Variants in PRR14L observed in about 807,000 individuals in gnomAD.
PRR14L encodes protein PRR14L.
In PRR14L, 80 loss-of-function variants were observed where a neutral mutation model predicts 155.0. The ratio of observed to expected loss-of-function variants is 0.52; its 90% CI spans 0.43 to 0.62. PRR14L has a LOEUF of 0.62. Ranked by LOEUF, PRR14L falls within the 20% of genes least tolerant of loss-of-function variation. The pLI, the probability that PRR14L is intolerant of heterozygous loss-of-function variation, is 0.00. For synonymous variants in PRR14L, 883 were observed against 916.0 expected, an observed-to-expected ratio of 0.96 and a Z score of 0.65; for missense variants, 2,469 against 2,548.0, an observed-to-expected ratio of 0.97 and a Z score of 0.67.
At chr22:31,708,493 A>C (rs891902333) in intron 4 of PRR14L, among the ~76,000 whole-genome samples, 30 of 151,386 alleles carry the variant, frequency 2.0e-4, no homozygotes, top group African/African-American at 6.8e-4. Flanking sequence ...TACCCAGCTA[A>C]TTTTCCTGTT....
intron 3 of PRR14L, 33 bp downstream of exon 3, chr22:31,725,505 G>A (rs1264492970): frequency 2.5e-5 from 35 of 1,396,200 alleles, no homozygotes; most frequent in Middle Eastern, 1.8e-4. Flanking sequence ...TGCAGTAAGT[G>A]GATAAAGGAA....
In PRR14L at chr22:31,713,379, C is replaced by G. The variant is rs1479731655; in HGVS notation, c.4460G>C (p.Cys1487Ser). ...RKDTESCTSP[C>S]LLGAPRKAQD... ...TGCTTTCCGAGGGGCACCAAGAAGG[C>G]AAGGACTTGTGCATGACTCAGTGTC... Residue 1487 changes from cysteine (C) to serine (S), a missense_variant, in exon 4 of 9, where the codon TGC (cysteine) becomes TCC (serine). Physicochemically the swap from Cys to Ser is moderately radical, Grantham distance 112. Transcript: ENST00000327423. 6.4e-7 allele frequency: 1 copy of G among 1,552,056 alleles called. No homozygotes were observed. Among genetic ancestry groups the G allele is most frequent in the African/African-American group, 1.4e-5 (1 of 73,160 alleles).
At chr22:31,703,796 C>CT in intron 5 of PRR14L, 75 bp from the exon 6 acceptor site, 4 of 667,770 alleles carry the variant, frequency 6.0e-6, no homozygotes, top group Non-Finnish European at 6.7e-6. Context: ...TCTTCTTCTT[C>CT]ATTTTTTTTT....
rs1043345659 is a variant in PRR14L, at chr22:31,682,588, G to A, written c.*2939C>T. 31 of 151,330 alleles carry A rather than the reference G, an allele frequency of 2.0e-4. No individual in the cohort carries two copies. The highest frequency in any genetic ancestry group is 7.6e-4 in the African/African-American group (31 of 40,994). 9.4% of individuals were successfully genotyped at this position (151,330 alleles called of 1,614,324 possible). ...AGGCAAACACAGCTAGAAACTGAAA[G>A]ATGGAAAAAAAAACAAAAAACAAAA... On this transcript the variant is annotated 3_prime_UTR_variant, in exon 9 of 9. Transcript: ENST00000327423.
intron 3 of PRR14L, among the ~76,000 whole-genome samples, chr22:31,718,053 G>C (rs999615619): frequency 6.6e-6 from 1 of 150,786 alleles, no homozygotes; most frequent in Admixed American, 6.7e-5. Context: ...TCAGCCTCCT[G>C]AGTAGCTGGG....
chr22:31,704,759 T>C, intron 4 of PRR14L, 33 bp from the exon 5 acceptor site: 4 of 1,550,102 alleles, frequency 2.6e-6, no homozygotes, highest in Non-Finnish European at 3.6e-6. Context: ...AAGCAATAGG[T>C]AAGGGCAGTG....
At chr22:31,731,967 T>C (rs925279990) in intron 2 of PRR14L, among the ~76,000 whole-genome samples, 4 of 152,178 alleles carry the variant, frequency 2.6e-5, no homozygotes, top group African/African-American at 4.8e-5. Context: ...GTTGTCTAGT[T>C]AGTTATTTTT....
chr22:31,733,298 G>GTTTTTTTTTTTTTT (rs1162819822), intron 2 of PRR14L, among the ~76,000 whole-genome samples: 1 of 64,032 alleles, frequency 1.6e-5, no homozygotes, highest in African/African-American at 7.4e-5. Flanking sequence ...CCTGGCCACT[G>GTTTTTTTTTTTTTT]TTTTTTTTTT....
chr22:31,714,557 A>T lies in PRR14L; in HGVS notation c.3282T>A (p.Ser1094Arg). The change falls in exon 4 of 9, where the codon AGT becomes AGA. Residue 1094 changes from serine to arginine, a missense_variant. Transcript: ENST00000327423. ...CATCCAGTTCTCTCCGAGACAAGGT[A>T]CTCCTGGAGTCCTCTTGAAATGCCA... ...EKLAFQEDSR[S>R]TLSRRELDAA... 1 of 1,551,808 alleles carries T rather than the reference A, an allele frequency of 6.4e-7. No individual in the cohort carries two copies. Among genetic ancestry groups the T allele is most frequent in the Non-Finnish European group, 8.7e-7 (1 of 1,147,022 alleles).
In PRR14L at chr22:31,724,579, G is replaced by A. The variant is rs550485842; in HGVS notation, c.547+959C>T. Among the ~76,000 whole-genome samples, 9 of 152,154 alleles carry A rather than the reference G, an allele frequency of 5.9e-5. No homozygotes were observed. The East Asian group carries it at 1.7e-3, about 29-fold the overall frequency. On this transcript the variant is annotated intron_variant, in intron 3 of 8. Coordinates refer to ENST00000327423, the MANE Select transcript of PRR14L (RefSeq NM_173566.3). ...TGCCATGCTAATTTTTGCATTTTTT[G>A]TAGAGAAGGGGTTTCGCCACATTGC...
intron 4 of PRR14L, among the ~76,000 whole-genome samples, 193 bp from the exon 5 acceptor site, chr22:31,704,919 C>T (rs1483214626): frequency 6.6e-6 from 1 of 152,066 alleles, no homozygotes; most frequent in Non-Finnish European, 1.5e-5. Flanking sequence ...GGCAGACTGA[C>T]AGGAAGATTA....
intron 4 of PRR14L, among the ~76,000 whole-genome samples, chr22:31,707,594 C>G (rs2074598873): frequency 6.6e-6 from 1 of 152,020 alleles, no homozygotes; most frequent in Admixed American, 6.6e-5. Context: ...ACCATGTTAG[C>G]CAGGATGGTC....
chr22:31,689,399 T>C (rs1295074749), intron 7 of PRR14L, among the ~76,000 whole-genome samples: 1 of 152,208 alleles, frequency 6.6e-6, no homozygotes, highest in Non-Finnish European at 1.5e-5. Flanking sequence ...CTTTGCTACC[T>C]TCTGGTATGA....
intron 2 of PRR14L, among the ~76,000 whole-genome samples, chr22:31,730,913 T>C (rs1301361119): frequency 6.6e-6 from 1 of 152,196 alleles, no homozygotes; most frequent in East Asian, 1.9e-4. Context: ...TCTTATTCTA[T>C]GGGTACTACA....
intron 2 of PRR14L, among the ~76,000 whole-genome samples, chr22:31,732,475 A>G (rs1948010186): frequency 6.6e-6 from 1 of 152,208 alleles, no homozygotes; most frequent in African/African-American, 2.4e-5. Flanking sequence ...TGTCCATGCA[A>G]CCAGTCCCCA....
chr22:31,716,415 T>C lies in PRR14L; in HGVS notation c.1424A>G (p.Asn475Ser), dbSNP rs2074660005. ...TEATEVMLNK[N>S]DLKITVHVQG... ...AACGTGTACAGTAATTTTCAAATCA[T>C]TTTTATTTAACATTACTTCTGTGGC... The change falls in exon 4 of 9, where the codon AAT (asparagine) becomes AGT (serine). Residue 475 changes from asparagine (N) to serine (S), a missense_variant. Asn to Ser is a conservative substitution (Grantham distance 46, BLOSUM62 1). Coordinates refer to ENST00000327423, the MANE Select transcript of PRR14L (RefSeq NM_173566.3). 17 of 1,550,424 alleles carry C rather than the reference T, an allele frequency of 1.1e-5. No homozygotes were observed. The highest frequency in any genetic ancestry group is 1.5e-5 in the Non-Finnish European group (17 of 1,146,614).
chr22:31,737,256 G>C (rs939388815), intron 2 of PRR14L, among the ~76,000 whole-genome samples: 1 of 151,604 alleles, frequency 6.6e-6, no homozygotes, highest in African/African-American at 2.4e-5. Context: ...CAAGACGGTC[G>C]GATCACCTGA....
At chr22:31,700,402 A>G (rs1356843951) in intron 7 of PRR14L, among the ~76,000 whole-genome samples, 1 of 152,244 alleles carries the variant, frequency 6.6e-6, no homozygotes, top group Non-Finnish European at 1.5e-5. Context: ...ATAGATCAAC[A>G]AAAGAAACAT....
intron 6 of PRR14L, among the ~76,000 whole-genome samples, chr22:31,702,990 C>CT (rs981516838): frequency 6.6e-6 from 1 of 150,602 alleles, no homozygotes; most frequent in Non-Finnish European, 1.5e-5. Context: ...TCATTTTTGT[C>CT]TTTTTTGTAG....
Sources: gnomAD v4.1 joint callset for allele counts (sites outside exome capture counted in the v4.1 genomes callset) on GRCh38, gnomAD v4.1.1 for gene constraint, MANE v1.5 for transcripts, NCBI Gene and HGNC (gene_info 2026-07-23, HGNC 2026-07-21) for gene names.